The following ANKS6 variants were observed in gnomAD, a reference collection of about 807,000 sequenced individuals.
The protein encoded by ANKS6 is ankyrin repeat and SAM domain-containing protein 6.
Under a neutral mutation model 77.9 loss-of-function variants are expected in ANKS6, and 47 were observed. The observed-to-expected ratio is 0.60, with a 90% confidence interval of 0.48 to 0.77. The LOEUF is 0.77. Ranked by LOEUF, ANKS6 falls within the 30% of genes least tolerant of loss-of-function variation. The probability of loss-of-function intolerance (pLI) is 0.00; values close to 1 mark genes in which losing one functional copy is unlikely to be tolerated. For synonymous variants in ANKS6, 488 were observed against 501.7 expected (o/e 0.97, Z 0.37); for missense variants, 1,150 against 1,159.1 (o/e 0.99, Z 0.11).
chr9:98,758,710 A>G (rs771403750), intron 11 of ANKS6, among the ~76,000 whole-genome samples: 6 of 152,222 alleles, frequency 3.9e-5, no homozygotes, highest in African/African-American at 7.2e-5. Context: ...CAACATCCAC[A>G]GAGTTTGTTC....
chr9:98,738,156 C>T (rs1397121014), intron 14 of ANKS6, among the ~76,000 whole-genome samples: 4 of 152,120 alleles, frequency 2.6e-5, no homozygotes, highest in Admixed American at 6.5e-5. Context: ...TGGAAAAACC[C>T]TTCTATACAC....
At chr9:98,792,598 G>A (rs1299950816) in intron 1 of ANKS6, among the ~76,000 whole-genome samples, 2 of 152,202 alleles carry the variant, frequency 1.3e-5, no homozygotes, top group African/African-American at 2.4e-5. Flanking sequence ...ATTTCTAAAA[G>A]ATTACACTAT....
rs1219770954 is a variant in ANKS6 at position 98,791,252 on chromosome 9, T to A, written c.360-646A>T. ...GTCTGATTCATTTCTACCCTCCCCA[T>A]CCCCAAAAGCACACACCCCATGCCA... On this transcript the variant is annotated intron_variant, in intron 1 of 14. Transcript: ENST00000353234. This position sits in a 1 kb window ranked among gnomAD's most constrained non-coding sequence, Gnocchi z 4.3. Among the ~76,000 whole-genome samples, 2 of 151,584 alleles carry A rather than the reference T, an allele frequency of 1.3e-5. No homozygotes were observed. The highest frequency in any genetic ancestry group is 4.8e-5 in the African/African-American group (2 of 41,292).
intron 9 of ANKS6, among the ~76,000 whole-genome samples, chr9:98,773,432 C>G (rs757775255): frequency 1.3e-5 from 2 of 152,212 alleles, no homozygotes; most frequent in African/African-American, 2.4e-5. Context: ...GAAATCACTA[C>G]AGTCAAAAGG....
intron 4 of ANKS6, chr9:98,783,584 G>A (rs899832591): frequency 5.8e-6 from 1 of 171,888 alleles, no homozygotes; most frequent in Non-Finnish European, 1.2e-5. Context: ...AATAACCAAT[G>A]TTTACTTCAT....
At chr9:98,749,791 C>A (rs1017053634) in intron 13 of ANKS6, among the ~76,000 whole-genome samples, 3 of 152,190 alleles carry the variant, frequency 2.0e-5, no homozygotes, top group Non-Finnish European at 4.4e-5. Flanking sequence ...GAAAGCTACG[C>A]GCCCTATTTG....
At chr9:98,789,035 CTTTTTT>C (rs111230371) in intron 2 of ANKS6, among the ~76,000 whole-genome samples, 4 of 137,284 alleles carry the variant, frequency 2.9e-5, no homozygotes, top group Non-Finnish European at 4.8e-5. Context: ...TGGTGTATTT[CTTTTTT>C]TTTTTTTTTG....
At chr9:98,738,963 A>C (rs1831657312) in intron 14 of ANKS6, among the ~76,000 whole-genome samples, 1 of 152,156 alleles carries the variant, frequency 6.6e-6, no homozygotes, top group Non-Finnish European at 1.5e-5. Flanking sequence ...ATGAGATTGG[A>C]GACTATTATT....
In ANKS6 at chr9:98,733,529, A is replaced by G. The variant is rs337590; in HGVS notation, c.*2990T>C. 0.03 allele frequency: 29,349 copies of G among 985,416 alleles called. 907 individuals carry two copies. The highest frequency in any genetic ancestry group is 0.26 in the East Asian group (2,284 of 8,776). 61.0% of individuals were successfully genotyped at this position (985,416 alleles called of 1,614,324 possible). A position where few individuals can be genotyped will look rare whatever the true frequency, so the allele number is the denominator to read the frequency against. On this transcript the variant is annotated 3_prime_UTR_variant, in exon 15 of 15. Coordinates refer to ENST00000353234, the MANE Select transcript of ANKS6 (RefSeq NM_173551.5). ...CAGAGCTGCTGGGGAGAAAAAGGTGACCACCAAGGGCCCTGACCCACTTCC... is the reference window on the plus strand; with the variant it reads ...CAGAGCTGCTGGGGAGAAAAAGGTGGCCACCAAGGGCCCTGACCCACTTCC...
At position 98,768,249 on chromosome 9, in the gene ANKS6, A is replaced by T; in HGVS notation, c.1974T>A (p.Gly658=). ...GGGACAAGACATTGTCTATGCTGCCACCTGAGGAAACACAAAATGAGTGAA... is the reference window on the plus strand; with the variant it reads ...GGGACAAGACATTGTCTATGCTGCCTCCTGAGGAAACACAAAATGAGTGAA... ...RHGGELLNRS[G]GSIDNVLSQI... The change falls in exon 11 of 15, where the codon GGT becomes GGA. Residue 658 remains glycine, a splice_region_variant and synonymous_variant. Coordinates refer to ENST00000353234, the MANE Select transcript of ANKS6 (RefSeq NM_173551.5). 1.2e-6 allele frequency: 2 copies of T among 1,613,904 alleles called. No individual in the cohort carries two copies. Among genetic ancestry groups the T allele is most frequent in the Non-Finnish European group, 1.7e-6 (2 of 1,180,036 alleles).
chr9:98,737,872 G>T (rs1219005240), intron 14 of ANKS6, among the ~76,000 whole-genome samples: 1 of 152,166 alleles, frequency 6.6e-6, no homozygotes, highest in Non-Finnish European at 1.5e-5. Context: ...CATGGTACTG[G>T]TATAAAAAAT....
rs1835166615 is a variant in ANKS6, at chr9:98,796,194, G to A, written c.298C>T (p.Arg100Cys). ...HEPLVRFLLRRGASVNSRNHY... is the reference protein window; with the variant it reads ...HEPLVRFLLRCGASVNSRNHY... Reference sequence around the variant, plus strand: ...TTGCGGCTGTTGACCGAGGCACCGCGGCGCAGCAGGAAGCGCACCAGCGGT... The same window carrying A: ...TTGCGGCTGTTGACCGAGGCACCGCAGCGCAGCAGGAAGCGCACCAGCGGT... Residue 100 changes from arginine (R) to cysteine (C), a missense_variant, in exon 1 of 15, where the codon CGC (arginine) becomes TGC (cysteine). Physicochemically the swap from Arg to Cys is radical, Grantham distance 180. Transcript: ENST00000353234. 7.1e-7 allele frequency: 1 copy of A among 1,417,846 alleles called. No individual in the cohort carries two copies. 87.8% of individuals were successfully genotyped at this position (1,417,846 alleles called of 1,614,324 possible).
intron 2 of ANKS6, among the ~76,000 whole-genome samples, chr9:98,788,196 G>A (rs1025914095): frequency 7.2e-5 from 11 of 152,226 alleles, no homozygotes; most frequent in Admixed American, 7.2e-4. Flanking sequence ...AGGCCTGTCA[G>A]AAGCTAAGCC....
At chr9:98,764,589 G>T (rs571665673) in intron 11 of ANKS6, among the ~76,000 whole-genome samples, 1 of 152,150 alleles carries the variant, frequency 6.6e-6, no homozygotes, top group African/African-American at 2.4e-5. Flanking sequence ...GATTCAGTTG[G>T]GGTAAACTCT....
intron 13 of ANKS6, among the ~76,000 whole-genome samples, chr9:98,747,553 A>T (rs912998168): frequency 2.6e-5 from 4 of 152,092 alleles, no homozygotes; most frequent in South Asian, 2.1e-4. Context: ...TGAGGGGCTG[A>T]ATGGATAGGT....
intron 12 of ANKS6, among the ~76,000 whole-genome samples, chr9:98,751,645 T>C (rs1360658458): frequency 6.6e-6 from 1 of 151,992 alleles, no homozygotes; most frequent in African/African-American, 2.4e-5. Context: ...AGAAGATGAT[T>C]TGGGGTGTCA....
At position 98,733,761 on chromosome 9, in the gene ANKS6, G is replaced by T; in HGVS notation, c.*2758C>A. ...AGAGGCCTGTAGCAAAGATGATCGT[G>T]TAGCTCGCTTTAGTGTCTGCCAAAC... is the stretch of plus-strand genomic sequence containing the variant. On this transcript the variant is annotated 3_prime_UTR_variant, in exon 15 of 15. Transcript: ENST00000353234. 2.0e-6 allele frequency: 2 copies of T among 985,518 alleles called. No individual in the cohort carries two copies. The highest frequency in any genetic ancestry group is 2.4e-6 in the Non-Finnish European group (2 of 830,010). 61.0% of individuals were successfully genotyped at this position (985,518 alleles called of 1,614,324 possible).
chr9:98,743,640 C>T (rs1396448853), intron 14 of ANKS6, among the ~76,000 whole-genome samples: 1 of 152,200 alleles, frequency 6.6e-6, no homozygotes, highest in Non-Finnish European at 1.5e-5. Flanking sequence ...GGGTTAGCTA[C>T]ACTGAGGCAG....
chr9:98,759,339 G>C (rs1832891388), intron 11 of ANKS6, among the ~76,000 whole-genome samples: 2 of 152,148 alleles, frequency 1.3e-5, no homozygotes, highest in Non-Finnish European at 2.9e-5. Flanking sequence ...TGTAACCAAA[G>C]GTATGGAGCT....
Sources: gnomAD v4.1 joint callset for allele counts (sites outside exome capture counted in the v4.1 genomes callset) on GRCh38, gnomAD v4.1.1 for gene constraint, Gnocchi (gnomAD v3.1) non-coding constraint, MANE v1.5 for transcripts, NCBI Gene and HGNC (gene_info 2026-07-23, HGNC 2026-07-21) for gene names.